EP400: variants seen among roughly 807,000 people sequenced by gnomAD.
EP400 encodes the protein E1A binding protein p400.
In EP400, 105 loss-of-function variants were observed where a neutral mutation model predicts 354.1. The ratio of observed to expected loss-of-function variants is 0.30; its 90% CI spans 0.25 to 0.35. The LOEUF (loss-of-function observed/expected upper bound fraction) is 0.35, where lower values mean the gene tolerates loss of function less well. EP400 is among the 10% of genes least tolerant of loss of function. The pLI is 1.00. For synonymous variants in EP400, 1,646 were observed against 1,716.9 expected, an observed-to-expected ratio of 0.96 and a Z score of 1.02; for missense variants, 3,280 against 4,121.0, an observed-to-expected ratio of 0.80 and a Z score of 5.59.
At position 132,017,427 on chromosome 12, in the gene EP400, A is replaced by T; in HGVS notation, c.3924-108A>T. ...CTAACTCATTAAGCGGACCTAGAAA[A>T]TCTGCTCCTGCCTGCCTTTCTGGAG... On this transcript the variant is annotated intron_variant, in intron 19 of 52. Coordinates refer to ENST00000389561, the MANE Select transcript of EP400 (RefSeq NM_015409.5). This position sits in a 1 kb window ranked among gnomAD's most constrained non-coding sequence, Gnocchi z 5.0. 8.1e-7 allele frequency: 1 copy of T among 1,231,216 alleles called. No homozygotes were observed. The highest frequency in any genetic ancestry group is 1.1e-6 in the Non-Finnish European group (1 of 874,694). The allele number at this position is 1,231,216 out of a possible 1,614,324, so 76.3% of individuals were successfully genotyped here.
intron 15 of EP400, among the ~76,000 whole-genome samples, chr12:132,009,994 TTTTA>T (rs1593344003): frequency 2.6e-5 from 4 of 152,030 alleles, no homozygotes; most frequent in Non-Finnish European, 4.4e-5. Context: ...AGCTTTTCTT[TTTTA>T]TTTATTTATT....
rs772258660 is a variant in EP400 at position 131,960,699 on chromosome 12, A to G, written c.80A>G (p.Glu27Gly). Reference sequence around the variant, plus strand: ...GCCTGCCCTGGCAGCGAGGGTGAGGAGCAGCCGGCCCACCCCAACCCACCC... The same window carrying G: ...GCCTGCCCTGGCAGCGAGGGTGAGGGGCAGCCGGCCCACCCCAACCCACCC... ...SRACPGSEGEEQPAHPNPPPS... is the reference protein window; with the variant it reads ...SRACPGSEGEGQPAHPNPPPS... Residue 27 changes from glutamate (E) to glycine (G), a missense_variant, in exon 2 of 53, where the codon GAG becomes GGG. This residue lies in a region of EP400 where 172 missense variants were observed against 242.9 expected (regional missense o/e 0.71). Transcript: ENST00000389561. 1 of 1,565,894 alleles carries G rather than the reference A, an allele frequency of 6.4e-7. No individual in the cohort carries two copies. The highest frequency in any genetic ancestry group is 1.2e-5 in the South Asian group (1 of 85,146).
intron 12 of EP400, among the ~76,000 whole-genome samples, chr12:132,004,504 A>G (rs12371980): frequency 4.0e-5 from 6 of 151,788 alleles, no homozygotes; most frequent in Admixed American, 1.3e-4. Flanking sequence ...GATATTTTGT[A>G]TTTTTATATA....
chr12:132,005,150 G>C lies in EP400; in HGVS notation c.2901G>C (p.Pro967=). Residue 967 remains proline (P), a synonymous_variant, in exon 13 of 53, where the codon CCG becomes CCC. Coordinates refer to ENST00000389561, the MANE Select transcript of EP400 (RefSeq NM_015409.5). ...AFLPSSQWPR[P]KPDGEDTSGE... ...TGCCGAGTTCTCAGTGGCCCCGGCC[G>C]AAGCCTGATGGGGAGGACACAAGCG... The C allele has an allele frequency of 6.3e-7, 1 of 1,583,546 alleles. No individual in the cohort carries two copies. Among genetic ancestry groups the C allele is most frequent in the Non-Finnish European group, 8.6e-7 (1 of 1,164,786 alleles).
chr12:132,023,274 A>G (rs1455200696), intron 23 of EP400, among the ~76,000 whole-genome samples: 1 of 141,436 alleles, frequency 7.1e-6, no homozygotes, highest in Non-Finnish European at 1.5e-5. Context: ...CTCGGATTAC[A>G]GGCGCCCACC....
rs1056594828 is a variant in EP400 at position 132,018,837 on chromosome 12, G to C, written c.4277+461G>C. Among the ~76,000 whole-genome samples the C allele has an allele frequency of 6.6e-6, 1 of 152,168 alleles. No homozygotes were observed. The highest frequency in any genetic ancestry group is 2.4e-5 in the African/African-American group (1 of 41,422). ...GACAGACACGTTAGATGATTAAAAC[G>C]AGATATAAATGACTCATAGTCTAAA... On this transcript the variant is annotated intron_variant, in intron 21 of 52. Transcript: ENST00000389561. The surrounding 1 kb of genome is among the most constrained non-coding windows in gnomAD (Gnocchi z 4.0).
intron 15 of EP400, among the ~76,000 whole-genome samples, chr12:132,010,513 G>A (rs1893730514): frequency 6.6e-6 from 1 of 152,166 alleles, no homozygotes; most frequent in South Asian, 2.1e-4. Context: ...TTGCATATTA[G>A]CAGTAATGGC....
At chr12:132,062,977 G>C (rs1236852343) in intron 47 of EP400, among the ~76,000 whole-genome samples, 17 of 152,200 alleles carry the variant, frequency 1.1e-4, no homozygotes, top group Admixed American at 1.1e-3. Flanking sequence ...TAGGCGTCTT[G>C]TGCCTTGTGT....
intron 2 of EP400, among the ~76,000 whole-genome samples, chr12:131,972,647 T>A (rs1459730889): frequency 1.3e-5 from 2 of 151,906 alleles, no homozygotes; most frequent in Non-Finnish European, 2.9e-5. Flanking sequence ...AAAAGAACCG[T>A]TCTAAGCAGA....
chr12:132,079,812 G>A lies in EP400; in HGVS notation c.*2139G>A, dbSNP rs566430225. On this transcript the variant is annotated 3_prime_UTR_variant, in exon 53 of 53. Coordinates refer to ENST00000389561, the MANE Select transcript of EP400 (RefSeq NM_015409.5). ...TTGGCTGTTCCCTAATACAAAACAC[G>A]GACATATTTTTACTCGTAGCACTCA... The A allele has an allele frequency of 1.4e-4, 22 of 152,332 alleles. No individual in the cohort carries two copies. Among genetic ancestry groups the A allele is most frequent in the African/African-American group, 4.8e-4 (20 of 41,564 alleles). The allele number at this position is 152,332 out of a possible 1,614,324, so 9.4% of individuals were successfully genotyped here.
In EP400 at chr12:132,080,063, C is replaced by T. The variant is rs1896335948; in HGVS notation, c.*2390C>T. 1 of 152,232 alleles carries T rather than the reference C, an allele frequency of 6.6e-6. No individual in the cohort carries two copies. Among genetic ancestry groups the T allele is most frequent in the South Asian group, 2.1e-4 (1 of 4,828 alleles). The allele number at this position is 152,232 out of a possible 1,614,324, so 9.4% of individuals were successfully genotyped here. On this transcript the variant is annotated 3_prime_UTR_variant, in exon 53 of 53. Coordinates refer to ENST00000389561, the MANE Select transcript of EP400 (RefSeq NM_015409.5). ...GTAAGAGTTGGAAACTTTGAGAACA[C>T]AGACTATAAAGGCAGCAGCCCGAAC...
chr12:132,046,991 T>C (rs1463083191), intron 39 of EP400, among the ~76,000 whole-genome samples: 1 of 152,248 alleles, frequency 6.6e-6, no homozygotes, highest in African/African-American at 2.4e-5. Context: ...ACACATATAG[T>C]AGAGGCAGGC....
intron 32 of EP400, among the ~76,000 whole-genome samples, chr12:132,042,068 A>G (rs1489811064): frequency 2.0e-5 from 3 of 151,084 alleles, no homozygotes; most frequent in Non-Finnish European, 2.9e-5. Flanking sequence ...CCTCCAGCTC[A>G]GCTTCCCAAG....
At position 132,029,530 on chromosome 12, in the gene EP400, C is replaced by T. The variant is rs1236458948; in HGVS notation, c.5382-171C>T. The T allele has an allele frequency of 1.8e-5, 12 of 681,982 alleles. No homozygotes were observed. The highest frequency in any genetic ancestry group is 8.1e-5 in the East Asian group (3 of 37,010). 42.2% of individuals were successfully genotyped at this position (681,982 alleles called of 1,614,324 possible). A position where few individuals can be genotyped will look rare whatever the true frequency, so the allele number is the denominator to read the frequency against. Reference sequence around the variant, plus strand: ...GGCCAGGACTGGTTAGGATCTGCCTCGTTGGGCCCCTGCCCGTGTGCCAAC... The same window carrying T: ...GGCCAGGACTGGTTAGGATCTGCCTTGTTGGGCCCCTGCCCGTGTGCCAAC... On this transcript the variant is annotated intron_variant, in intron 27 of 52. Transcript: ENST00000389561. This position sits in a 1 kb window ranked among gnomAD's most constrained non-coding sequence, Gnocchi z 4.7.
intron 19 of EP400, among the ~76,000 whole-genome samples, chr12:132,015,576 G>A (rs1233239479): frequency 6.6e-6 from 1 of 152,188 alleles, no homozygotes; most frequent in African/African-American, 2.4e-5. Flanking sequence ...TTGCCTTCAG[G>A]GTTGCAGTGT....
In EP400 at chr12:131,974,969, G is replaced by A. The variant is rs548356783; in HGVS notation, c.1336-4725G>A. Among the ~76,000 whole-genome samples the A allele has an allele frequency of 3.0e-4, 37 of 122,164 alleles. No individual in the cohort carries two copies. In the East Asian group the frequency reaches 6.8e-3, roughly 22 times the overall value. 80.1% of individuals were successfully genotyped at this position (122,164 alleles called of 152,430 possible). ...TGTGCCACTGTACTCCATCCTGGGC[G>A]ACAGAGAGACTCCATCTCAAAAAAA... On this transcript the variant is annotated intron_variant, in intron 2 of 52. Coordinates refer to ENST00000389561, the MANE Select transcript of EP400 (RefSeq NM_015409.5).
In EP400 at chr12:131,961,142, G is replaced by T. The variant is rs141124811; in HGVS notation, c.523G>T (p.Val175Leu). 84 of 1,610,390 alleles carry T rather than the reference G, an allele frequency of 5.2e-5. No homozygotes were observed. Among genetic ancestry groups the T allele is most frequent in the Non-Finnish European group, 7.1e-5 (84 of 1,178,356 alleles). ...TACAGGGGGCTTCGTGGATGCCAGC[G>T]TGCTGGTGAGGCAGATCAGCTTGAG... Reference protein sequence around the residue: ...SPTGGFVDASVLVRQISLSPS... With the variant: ...SPTGGFVDASLLVRQISLSPS... Residue 175 changes from valine to leucine, a missense_variant, in exon 2 of 53, where the codon GTG (valine) becomes TTG (leucine). Val to Leu is a conservative substitution (Grantham distance 32). Transcript: ENST00000389561.
intron 30 of EP400, among the ~76,000 whole-genome samples, chr12:132,032,538 A>AATT (rs138491874): frequency 0.027 from 4,112 of 152,308 alleles, 142 homozygotes; most frequent in South Asian, 0.094. Context: ...GGGTTGTTTT[A>AATT]ATTATGAACT....
At chr12:132,069,426 G>T in intron 50 of EP400, 69 bp from the exon 51 acceptor site, 1 of 1,575,052 alleles carries the variant, frequency 6.3e-7, no homozygotes, top group South Asian at 1.2e-5. Context: ...GGCCCAGAGC[G>T]GGCAGGCGTC....
Sources: gnomAD v4.1 joint callset for allele counts (sites outside exome capture counted in the v4.1 genomes callset) on GRCh38, gnomAD v4.1.1 for gene constraint, gnomAD v4.1.1 regional missense constraint, Gnocchi (gnomAD v3.1) non-coding constraint, MANE v1.5 for transcripts, NCBI Gene and HGNC (gene_info 2026-07-23, HGNC 2026-07-21) for gene names.